The following KLF12 variants were observed in gnomAD, a reference collection of about 807,000 sequenced individuals.
KLF12 encodes the protein KLF transcription factor 12.
A neutral mutation model predicts 37.8 loss-of-function variants in KLF12; 9 were observed. The observed-to-expected ratio is 0.24, with a 90% confidence interval of 0.14 to 0.42. KLF12 has a LOEUF of 0.42. Among genes scored for constraint, KLF12 ranks in the 10% least tolerant of loss-of-function variants. The pLI is 1.00. For missense variants in KLF12, 411 were observed against 516.0 expected (o/e 0.80, Z 1.97); for synonymous variants, 208 against 202.1 (o/e 1.03, Z -0.25).
chr13:73,907,797 C>G lies in KLF12; in HGVS notation c.123+36184G>C, dbSNP rs928608263. Among the ~76,000 whole-genome samples, 7 of 152,124 alleles carry G rather than the reference C, an allele frequency of 4.6e-5. No homozygotes were observed. The South Asian group carries it at 6.2e-4, about 14-fold the overall frequency. On this transcript the variant is annotated intron_variant, in intron 3 of 7. Coordinates refer to ENST00000377669, the MANE Select transcript of KLF12 (RefSeq NM_007249.5). ...CATGATCTCTGCATTCAAGGCTTCC[C>G]CTCACAGTGAAAGCCTAAGTCATTA...
At chr13:73,766,413 T>A (rs1879917343) in intron 5 of KLF12, among the ~76,000 whole-genome samples, 1 of 152,182 alleles carries the variant, frequency 6.6e-6, no homozygotes, top group South Asian at 2.1e-4. Context: ...GCAATAATAG[T>A]ACATAAAAAT....
intron 2 of KLF12, among the ~76,000 whole-genome samples, chr13:73,994,006 C>T (rs1280874653): frequency 6.6e-6 from 1 of 152,218 alleles, no homozygotes; most frequent in African/African-American, 2.4e-5. Flanking sequence ...CTGATACCTG[C>T]AGAAGTCTCC....
chr13:74,181,807 G>A, the KLF12 span, among the ~76,000 whole-genome samples: 5 of 151,622 alleles, frequency 3.3e-5, no homozygotes, highest in African/African-American at 7.3e-5. Flanking sequence ...TGTATACACT[G>A]TATATGTATC....
chr13:73,711,748 A>T (rs952739984), intron 7 of KLF12, among the ~76,000 whole-genome samples: 1 of 152,202 alleles, frequency 6.6e-6, no homozygotes, highest in African/African-American at 2.4e-5. Context: ...CAGCCCACGG[A>T]TCAAGGAGTC....
chr13:74,139,075 T>C, the KLF12 span, among the ~76,000 whole-genome samples: 3 of 152,146 alleles, frequency 2.0e-5, no homozygotes, highest in African/African-American at 7.2e-5. Flanking sequence ...GGCTTTCATC[T>C]TCTTTCTGAT....
At chr13:74,003,372 T>C (rs1371475731) in intron 1 of KLF12, among the ~76,000 whole-genome samples, 1 of 152,138 alleles carries the variant, frequency 6.6e-6, no homozygotes, top group Non-Finnish European at 1.5e-5. Context: ...AGAATATATG[T>C]AGAGTGAGTA....
At chr13:73,733,524 G>A (rs755719826) in intron 6 of KLF12, among the ~76,000 whole-genome samples, 1 of 151,944 alleles carries the variant, frequency 6.6e-6, no homozygotes, top group Non-Finnish European at 1.5e-5. Flanking sequence ...ACACACGCAC[G>A]ATCATATACA....
At chr13:73,806,204 C>T (rs1882616324) in intron 5 of KLF12, among the ~76,000 whole-genome samples, 1 of 151,282 alleles carries the variant, frequency 6.6e-6, no homozygotes, top group African/African-American at 2.4e-5. Context: ...CCTCCCGGGT[C>T]CAAGCAATTC....
chr13:73,831,810 T>A (rs985599866), intron 4 of KLF12, among the ~76,000 whole-genome samples: 1 of 152,184 alleles, frequency 6.6e-6, no homozygotes, highest in African/African-American at 2.4e-5. Context: ...AATCAGTAGA[T>A]CTATTTTCTT....
intron 1 of KLF12, among the ~76,000 whole-genome samples, chr13:74,131,407 A>C (rs1339039065): frequency 1.3e-5 from 2 of 152,178 alleles, no homozygotes; most frequent in African/African-American, 4.8e-5. Flanking sequence ...TAGTGTTTGC[A>C]GACCTTCCCT....
chr13:74,266,069 T>C, the KLF12 span, among the ~76,000 whole-genome samples: 1 of 152,106 alleles, frequency 6.6e-6, no homozygotes, highest in South Asian at 2.1e-4. Flanking sequence ...CCAGATGTTG[T>C]CTCCTCACTA....
chr13:74,013,019 T>C (rs548072633), intron 1 of KLF12, among the ~76,000 whole-genome samples: 1 of 152,340 alleles, frequency 6.6e-6, no homozygotes, highest in African/African-American at 2.4e-5. Context: ...AATACCCGCC[T>C]GGTAAAGAAC....
At chr13:73,991,782 C>A (rs1891977365) in intron 2 of KLF12, among the ~76,000 whole-genome samples, 1 of 152,206 alleles carries the variant, frequency 6.6e-6, no homozygotes, top group Non-Finnish European at 1.5e-5. Context: ...GCTTTTGGAG[C>A]AGCTATGGCT....
chr13:73,832,653 C>A (rs1291733730), intron 4 of KLF12, among the ~76,000 whole-genome samples: 1 of 152,134 alleles, frequency 6.6e-6, no homozygotes, highest in Non-Finnish European at 1.5e-5. Flanking sequence ...GGAGGAAAAC[C>A]AAATCTTTGT....
the KLF12 span, among the ~76,000 whole-genome samples, chr13:74,255,932 G>T: frequency 4.7e-3 from 716 of 152,138 alleles, 7 homozygotes; most frequent in African/African-American, 0.017. Flanking sequence ...GAGGTGGGTG[G>T]ATCACGAGGT....
At chr13:73,727,708 T>A (rs922303951) in intron 6 of KLF12, among the ~76,000 whole-genome samples, 1 of 152,048 alleles carries the variant, frequency 6.6e-6, no homozygotes, top group Non-Finnish European at 1.5e-5. Context: ...CTTTCTTTTT[T>A]TTTTTTTGAG....
intron 7 of KLF12, among the ~76,000 whole-genome samples, chr13:73,707,113 T>C (rs1875011293): frequency 6.6e-6 from 1 of 152,184 alleles, no homozygotes; most frequent in Non-Finnish European, 1.5e-5. Context: ...AGAAGACTCG[T>C]AGGTTATCAG....
chr13:74,152,931 A>ATAATAAT, the KLF12 span, among the ~76,000 whole-genome samples: 1 of 144,376 alleles, frequency 6.9e-6, no homozygotes, highest in African/African-American at 2.5e-5. Context: ...AATAATAATA[A>ATAATAAT]AAACAGAGGG....
At chr13:73,940,936 AG>A (rs1890158596) in intron 3 of KLF12, among the ~76,000 whole-genome samples, 1 of 152,232 alleles carries the variant, frequency 6.6e-6, no homozygotes, top group Admixed American at 6.5e-5. Context: ...TGACAGCAGA[AG>A]ACCTAAAGGA....
Sources: allele counts gnomAD v4.1 joint callset (sites outside exome capture counted in the v4.1 genomes callset), GRCh38; gene constraint gnomAD v4.1.1; transcripts MANE v1.5; gene names NCBI Gene and HGNC (gene_info 2026-07-23, HGNC 2026-07-21).